CD53: variants seen among roughly 807,000 people sequenced by gnomAD.
CD53 encodes the protein leukocyte surface antigen CD53.
Under a neutral mutation model 27.3 loss-of-function variants are expected in CD53, and 20 were observed. That is an observed-to-expected ratio of 0.73 (90% CI 0.52 to 1.07). The LOEUF (loss-of-function observed/expected upper bound fraction) is 1.07. Ranked by LOEUF, CD53 falls within the 50% of genes least tolerant of loss-of-function variation. The pLI is 0.00. For synonymous variants in CD53, 106 were observed against 105.3 expected, an observed-to-expected ratio of 1.01 and a Z score of -0.04; for missense variants, 216 against 264.0, an observed-to-expected ratio of 0.82 and a Z score of 1.26.
intron 1 of CD53, among the ~76,000 whole-genome samples, chr1:110,875,897 C>G (rs886819551): frequency 3.3e-5 from 5 of 152,202 alleles, no homozygotes; most frequent in African/African-American, 1.2e-4. Flanking sequence ...CCAGGAATCT[C>G]TATACTGAGA....
At chr1:110,883,950 T>G (rs1424355456) in intron 1 of CD53, among the ~76,000 whole-genome samples, 1 of 152,036 alleles carries the variant, frequency 6.6e-6, no homozygotes, top group Non-Finnish European at 1.5e-5. Context: ...AGTTTATCAA[T>G]TTTATCAGTC....
At chr1:110,894,562 G>C (rs1656984560) in intron 4 of CD53, among the ~76,000 whole-genome samples, 161 bp downstream of exon 4, 1 of 151,950 alleles carries the variant, frequency 6.6e-6, no homozygotes, top group South Asian at 2.1e-4. Flanking sequence ...GGGAAAATTT[G>C]TATGAAAGAG....
At chr1:110,884,694 A>G (rs1000941146) in intron 1 of CD53, among the ~76,000 whole-genome samples, 2 of 112,712 alleles carry the variant, frequency 1.8e-5, no homozygotes, top group Non-Finnish European at 4.2e-5. Context: ...TTTATAAAGT[A>G]ATCTTCTTTA....
intron 1 of CD53, among the ~76,000 whole-genome samples, chr1:110,887,968 G>A (rs1176934173): frequency 6.6e-6 from 1 of 152,178 alleles, no homozygotes; most frequent in Non-Finnish European, 1.5e-5. Context: ...TAGCCAGGTG[G>A]TTCTTATCTA....
chr1:110,879,849 T>A (rs1490230732), intron 1 of CD53, among the ~76,000 whole-genome samples: 1 of 152,180 alleles, frequency 6.6e-6, no homozygotes, highest in Non-Finnish European at 1.5e-5. Context: ...ATTACAGGTG[T>A]GAGCCACCAT....
intron 1 of CD53, among the ~76,000 whole-genome samples, chr1:110,885,347 G>A (rs1656534101): frequency 1.3e-5 from 2 of 151,886 alleles, no homozygotes. Context: ...TCAGGAGATC[G>A]AGACCACGGG....
rs987849818 is a variant in CD53, at chr1:110,886,802, G to A, written c.-17-4590G>A. On this transcript the variant is annotated intron_variant, in intron 1 of 7. Transcript: ENST00000271324. ...GGAGGCTGCCGTGAGCCAAGATCAC[G>A]CCACTGCACTCTAGCCTAGGCAACA... Among the ~76,000 whole-genome samples the A allele has an allele frequency of 8.8e-5, 13 of 147,484 alleles. No individual in the cohort carries two copies. The Admixed American group carries it at 9.0e-4, about 10-fold the overall frequency.
chr1:110,894,537 G>A (rs1272028077), intron 4 of CD53, 136 bp downstream of exon 4: 6 of 659,372 alleles, frequency 9.1e-6, no homozygotes, highest in African/African-American at 3.9e-5. Flanking sequence ...GAAACAGAGA[G>A]TAATTGTAAT....
Position 110,899,126 on chromosome 1 carries a change from G to A in CD53, c.591G>A (p.Val197=), listed in dbSNP as rs776067142. Residue 197 remains valine, a splice_region_variant and synonymous_variant, in exon 8 of 8, where the codon GTG becomes GTA. Coordinates refer to ENST00000271324, the MANE Select transcript of CD53 (RefSeq NM_000560.4). Reference sequence around the variant, plus strand: ...AATTTTCCCAACTCTTTTCACAGGTGTTGGGGATGTCCTTTGCACTGACCC... The same window carrying A: ...AATTTTCCCAACTCTTTTCACAGGTATTGGGGATGTCCTTTGCACTGACCC... ...IITICVCVIE[V]LGMSFALTLN... is the part of the protein sequence containing the mutation. 7 of 1,613,424 alleles carry A rather than the reference G, an allele frequency of 4.3e-6. No individual in the cohort carries two copies. The Admixed American group carries it at 8.3e-5, about 19-fold the overall frequency.
chr1:110,894,866 G>A (rs1306758994), intron 4 of CD53, 94 bp from the exon 5 acceptor site: 28 of 906,946 alleles, frequency 3.1e-5, no homozygotes, highest in South Asian at 1.8e-4. Context: ...GAAGGGAAGC[G>A]CAAGTGGAAC....
chr1:110,897,690 A>G, intron 6 of CD53, 119 bp from the exon 7 acceptor site: 1 of 561,280 alleles, frequency 1.8e-6, no homozygotes. Flanking sequence ...TAAAAATATA[A>G]TACCTAAGCC....
At chr1:110,893,479 T>C (rs1023071151) in intron 3 of CD53, among the ~76,000 whole-genome samples, 1 of 152,136 alleles carries the variant, frequency 6.6e-6, no homozygotes, top group South Asian at 2.1e-4. Flanking sequence ...TGCGCCACCA[T>C]GTCCGGCTAA....
intron 1 of CD53, among the ~76,000 whole-genome samples, chr1:110,881,759 C>T (rs1035458870): frequency 6.6e-6 from 1 of 152,214 alleles, no homozygotes; most frequent in African/African-American, 2.4e-5. Context: ...ACTACATCCT[C>T]ACCAACACTT....
upstream of CD53, among the ~76,000 whole-genome samples, chr1:110,871,324 T>C (rs892563013): frequency 3.3e-5 from 5 of 152,162 alleles, no homozygotes; most frequent in African/African-American, 1.2e-4. Flanking sequence ...TTGAGAAATA[T>C]TTAGGCAAAA....
chr1:110,897,868 C>T lies in CD53; in HGVS notation c.564C>T (p.Ile188=). 2 of 1,610,312 alleles carry T rather than the reference C, an allele frequency of 1.2e-6. No individual in the cohort carries two copies. Among genetic ancestry groups the T allele is most frequent in the South Asian group, 2.2e-5 (2 of 90,940 alleles). Reference sequence around the variant, plus strand: ...CCAATTTCCTGTATATCGGAATCATCACCATCTGTGTATGTGTGATTGAGG... The same window carrying T: ...CCAATTTCCTGTATATCGGAATCATTACCATCTGTGTATGTGTGATTGAGG... ...FHSNFLYIGI[I]TICVCVIEVL... Residue 188 remains isoleucine, a synonymous_variant, in exon 7 of 8, where the codon ATC becomes ATT. Coordinates refer to ENST00000271324, the MANE Select transcript of CD53 (RefSeq NM_000560.4).
intron 3 of CD53, among the ~76,000 whole-genome samples, chr1:110,893,077 T>C (rs1430273719): frequency 1.3e-5 from 2 of 152,208 alleles, no homozygotes; most frequent in Non-Finnish European, 2.9e-5. Flanking sequence ...GCCTTTTGCA[T>C]GTTCCCTATC....
intron 1 of CD53, among the ~76,000 whole-genome samples, chr1:110,885,588 T>G (rs1469859709): frequency 6.8e-6 from 1 of 146,546 alleles, no homozygotes; most frequent in Non-Finnish European, 1.5e-5. Context: ...TAAGACGAGG[T>G]GCGGTGGCTC....
chr1:110,891,916 GTGTAT>G (rs1656870150), intron 2 of CD53, among the ~76,000 whole-genome samples: 1 of 152,222 alleles, frequency 6.6e-6, no homozygotes, highest in Non-Finnish European at 1.5e-5. Context: ...GTTGGTACTT[GTGTAT>G]ATGAGAAGAT....
intron 2 of CD53, 115 bp downstream of exon 2, chr1:110,891,586 C>G (rs1444663449): frequency 1.3e-6 from 1 of 760,050 alleles, no homozygotes; most frequent in East Asian, 2.6e-5. Context: ...TGGGTCATGT[C>G]CAGCACAACC....
Sources: allele counts gnomAD v4.1 joint callset (sites outside exome capture counted in the v4.1 genomes callset), GRCh38; gene constraint gnomAD v4.1.1; transcripts MANE v1.5; gene names NCBI Gene and HGNC (gene_info 2026-07-23, HGNC 2026-07-21).